DAPK2: variants seen among roughly 807,000 people sequenced by gnomAD.
The protein encoded by DAPK2 is death-associated protein kinase 2.
In DAPK2, 35 loss-of-function variants were observed where a neutral mutation model predicts 44.1. The observed-to-expected ratio is 0.79, with a 90% CI of 0.61 to 1.05. The LOEUF (loss-of-function observed/expected upper bound fraction) is 1.05, where lower values mean the gene tolerates loss of function less well. DAPK2 is among the 50% of genes least tolerant of loss of function. DAPK2 has a pLI of 0.00. For missense variants in DAPK2, 453 were observed against 483.2 expected (o/e 0.94, Z 0.59); for synonymous variants, 174 against 182.6 (o/e 0.95, Z 0.38).
chr15:63,983,374 A>C (rs547119194), intron 2 of DAPK2, among the ~76,000 whole-genome samples, 159 bp downstream of exon 3: 1 of 152,276 alleles, frequency 6.6e-6, no homozygotes, highest in South Asian at 2.1e-4. Context: ...GGAAGGGGGT[A>C]ACTGAGACAG....
chr15:63,983,732 T>A lies in DAPK2; in HGVS notation c.115A>T (p.Lys39Ter), dbSNP rs1290297325. 1 of 1,612,374 alleles carries A rather than the reference T, an allele frequency of 6.2e-7. No homozygotes were observed. The stretch of plus-strand genomic sequence containing the variant: ...AGCCCCGTGCTCTTCTCCCGGCACT[T>A]CTTCACGATGGCAAACTGGCCACTG... Residue 39 changes from lysine (K) to a stop codon, truncating the protein, a stop_gained, in exon 2 of 11, where the codon AAG (lysine) becomes TAG (stop). Coordinates refer to ENST00000261891, the Ensembl canonical transcript of DAPK2. LOFTEE classifies it high-confidence loss of function.
At chr15:63,910,190 G>A (rs186460693) in intron 10 of DAPK2, among the ~76,000 whole-genome samples, 110 of 152,380 alleles carry the variant, frequency 7.2e-4, no homozygotes, top group South Asian at 1.2e-3. Context: ...AGCCAGAGCC[G>A]GCACAGGGCT....
chr15:63,958,485 A>C (rs2077791477), intron 3 of DAPK2, among the ~76,000 whole-genome samples: 1 of 152,194 alleles, frequency 6.6e-6, no homozygotes, highest in Non-Finnish European at 1.5e-5. Flanking sequence ...TTATGGTTTT[A>C]GGTCTAACAT....
intron 3 of DAPK2, among the ~76,000 whole-genome samples, chr15:63,944,906 T>C (rs971444462): frequency 2.0e-5 from 3 of 152,132 alleles, no homozygotes; most frequent in African/African-American, 7.2e-5. Context: ...CCCCGCAGGG[T>C]GGGCACTACC....
intron 1 of DAPK2, among the ~76,000 whole-genome samples, chr15:63,994,096 A>G (rs76114015): frequency 0.081 from 12,318 of 152,232 alleles, 749 homozygotes; most frequent in South Asian, 0.31. Flanking sequence ...CAAACACCAC[A>G]AAAGTATTTC....
In DAPK2 at chr15:63,998,466, G is replaced by A. The variant is rs541570548; in HGVS notation, c.93-14712C>T. On this transcript the variant is annotated intron_variant, in intron 1 of 10. Transcript: ENST00000261891. ...CCCTCAGGCTGCCTGCCACCACACT[G>A]TTCCTGCAGGCTGGGGACTCTGCAG... Among the ~76,000 whole-genome samples, 103 of 152,336 alleles carry A rather than the reference G, an allele frequency of 6.8e-4. 1 individual carries two copies. The highest frequency in any genetic ancestry group is 1.2e-3 in the Non-Finnish European group (85 of 68,026).
chr15:63,929,811 T>G (rs993412002), intron 5 of DAPK2: 1 of 666,766 alleles, frequency 1.5e-6, no homozygotes, highest in African/African-American at 1.8e-5. Context: ...AAGATCAGAC[T>G]CCTGCACTTG....
At chr15:64,008,673 A>C (rs1163794934) in intron 1 of DAPK2, among the ~76,000 whole-genome samples, 2 of 152,266 alleles carry the variant, frequency 1.3e-5, no homozygotes, top group East Asian at 3.8e-4. Flanking sequence ...GAACATGCAC[A>C]AATGATATGT....
At chr15:64,035,883 T>C (rs1257298484) in intron 1 of DAPK2, among the ~76,000 whole-genome samples, 1 of 152,154 alleles carries the variant, frequency 6.6e-6, no homozygotes, top group Non-Finnish European at 1.5e-5. Flanking sequence ...TGCAGGATGC[T>C]CCAGCCAGGG....
In DAPK2 at chr15:63,908,306, C is replaced by A; in HGVS notation, c.*214G>T. On this transcript the variant is annotated 3_prime_UTR_variant, in exon 11 of 11. Transcript: ENST00000261891. The surrounding 1 kb of genome is among the most constrained non-coding windows in gnomAD (Gnocchi z 5.7). ...AGCCCATTTTATGGAGAATTAAGAG[C>A]TTTGGGAATGCTGGAGCCTCCTCCA... 2.5e-6 allele frequency: 1 copy of A among 405,072 alleles called. No individual in the cohort carries two copies. The highest frequency in any genetic ancestry group is 4.4e-6 in the Non-Finnish European group (1 of 228,304). The allele number at this position is 405,072 out of a possible 1,614,324, so 25.1% of individuals were successfully genotyped here.
At chr15:64,014,079 C>A (rs2079458526) in intron 1 of DAPK2, among the ~76,000 whole-genome samples, 1 of 152,194 alleles carries the variant, frequency 6.6e-6, no homozygotes, top group Non-Finnish European at 1.5e-5. Context: ...TAACTAGGCT[C>A]CCAGATGGAC....
chr15:63,924,941 G>T, intron 7 of DAPK2, 80 bp from the exon 9 acceptor site: 1 of 1,510,490 alleles, frequency 6.6e-7, no homozygotes, highest in South Asian at 1.2e-5. Flanking sequence ...ACTCTTTTTA[G>T]ACCTATATTT....
At chr15:63,913,539 G>A (rs1265106437) in intron 8 of DAPK2, among the ~76,000 whole-genome samples, 7 of 152,114 alleles carry the variant, frequency 4.6e-5, no homozygotes, top group Non-Finnish European at 1.0e-4. Flanking sequence ...CCTTCCTGCC[G>A]CAATGCCTCA....
rs140329549 is a variant in DAPK2 at position 63,986,803 on chromosome 15, C to T, written c.93-3049G>A. Among the ~76,000 whole-genome samples the T allele has an allele frequency of 3.3e-5, 5 of 152,242 alleles. No individual in the cohort carries two copies. In the East Asian group the frequency reaches 9.6e-4, roughly 29 times the overall value. ...GAGATTCTGATCTCCTGGGTCTGGG[C>T]CTGAAGATGGGGCTATTTAAAAGCC... is the stretch of plus-strand genomic sequence containing the variant. On this transcript the variant is annotated intron_variant, in intron 1 of 10. Transcript: ENST00000261891.
rs564435227 is a variant in DAPK2 at position 63,944,132 on chromosome 15, G to A, written c.454-4771C>T. Among the ~76,000 whole-genome samples, 45 of 152,218 alleles carry A rather than the reference G, an allele frequency of 3.0e-4. No homozygotes were observed. The South Asian group carries it at 7.7e-3, about 26-fold the overall frequency. On this transcript the variant is annotated intron_variant, in intron 3 of 10. Coordinates refer to ENST00000261891, the Ensembl canonical transcript of DAPK2. ...GAGAAAACGGAGGTCCTGGCAGGGC[G>A]AACACCCAAGCTGGGTCTGGATAAA... is the stretch of plus-strand genomic sequence containing the variant.
chr15:64,034,664 G>A (rs929765789), intron 1 of DAPK2, among the ~76,000 whole-genome samples: 17 of 5,958 alleles, frequency 2.9e-3, no homozygotes, highest in Admixed American at 0.028. Flanking sequence ...TTGTTCGTTT[G>A]TTTGTTTAAA....
intron 1 of DAPK2, among the ~76,000 whole-genome samples, chr15:64,015,067 G>A (rs1454932454): frequency 6.6e-6 from 1 of 152,136 alleles, no homozygotes; most frequent in Non-Finnish European, 1.5e-5. Flanking sequence ...GGGAGATCTG[G>A]ACAGAAGAGG....
intron 3 of DAPK2, among the ~76,000 whole-genome samples, chr15:63,947,392 C>T (rs1383397790): frequency 2.0e-5 from 3 of 152,198 alleles, no homozygotes; most frequent in Non-Finnish European, 4.4e-5. Flanking sequence ...CACCCAAGGG[C>T]GGCTGGCATT....
chr15:64,003,444 A>AG (rs2079150335), intron 1 of DAPK2, among the ~76,000 whole-genome samples: 1 of 152,240 alleles, frequency 6.6e-6, no homozygotes, highest in African/African-American at 2.4e-5. Flanking sequence ...ATGTCCTTAC[A>AG]GGGCATCCAA....
Sources: gnomAD v4.1 joint callset for allele counts (sites outside exome capture counted in the v4.1 genomes callset) on GRCh38, gnomAD v4.1.1 for gene constraint, Gnocchi (gnomAD v3.1) non-coding constraint, MANE v1.5 for transcripts, NCBI Gene and HGNC (gene_info 2026-07-23, HGNC 2026-07-21) for gene names.